The following SASH1 variants were observed in gnomAD, a reference collection of about 807,000 sequenced individuals.
SASH1 encodes the protein SAM and SH3 domain containing 1.
In SASH1, 44 loss-of-function variants were observed where a neutral mutation model predicts 125.2. That is an observed-to-expected ratio of 0.35 (90% CI 0.28 to 0.45). The LOEUF is 0.45. Among genes scored for constraint, SASH1 ranks in the 20% least tolerant of loss-of-function variants. The pLI is 1.00. For synonymous variants in SASH1, 639 were observed against 649.1 expected (o/e 0.98, Z 0.24); for missense variants, 1,426 against 1,614.5 (o/e 0.88, Z 2.00).
the SASH1 span, among the ~76,000 whole-genome samples, chr6:148,212,584 AATACGTGT>A: frequency 6.6e-6 from 1 of 152,208 alleles, no homozygotes; most frequent in Non-Finnish European, 1.5e-5. Context: ...TTGCTACAGA[AATACGTGT>A]ATATCTGATT....
chr6:148,315,655 G>T (rs1780462722), intron 1 of SASH1, among the ~76,000 whole-genome samples: 1 of 152,164 alleles, frequency 6.6e-6, no homozygotes, highest in Non-Finnish European at 1.5e-5. Context: ...TGTAATCTCA[G>T]TACTTTGGGA....
chr6:148,398,063 T>C (rs1467180601), intron 2 of SASH1, among the ~76,000 whole-genome samples: 1 of 151,996 alleles, frequency 6.6e-6, no homozygotes, highest in East Asian at 1.9e-4. Context: ...GGGGAGTAAC[T>C]TCAGGGAGAC....
chr6:148,318,723 T>C (rs1747982736), intron 1 of SASH1, among the ~76,000 whole-genome samples: 1 of 151,878 alleles, frequency 6.6e-6, no homozygotes, highest in Non-Finnish European at 1.5e-5. Flanking sequence ...CAGCTAATTT[T>C]TATACTTTTA....
intron 1 of SASH1, among the ~76,000 whole-genome samples, chr6:148,322,934 T>TTTCTCTCTTTTCTTTTCCTTCCTTC (rs1554234566): frequency 0.053 from 6,707 of 127,254 alleles, 475 homozygotes; most frequent in African/African-American, 0.063. Flanking sequence ...TCTCTCTTTC[T>TTTCTCTCTTTTCTTTTCCTTCCTTC]TTTCCTTCCT....
At chr6:148,504,930 G>A (rs1315504123) in intron 8 of SASH1, among the ~76,000 whole-genome samples, 1 of 152,162 alleles carries the variant, frequency 6.6e-6, no homozygotes, top group Non-Finnish European at 1.5e-5. Flanking sequence ...CACTCTCCAA[G>A]TCCTGTGCTG....
the SASH1 span, among the ~76,000 whole-genome samples, chr6:148,194,252 T>G: frequency 1.3e-5 from 2 of 152,216 alleles, no homozygotes; most frequent in African/African-American, 4.8e-5. Context: ...CATTTTATAG[T>G]GGAGTAAACT....
chr6:148,390,097 G>T (rs1399360442), intron 1 of SASH1, 37 bp from the exon 2 acceptor site: 1 of 1,609,884 alleles, frequency 6.2e-7, no homozygotes, highest in Non-Finnish European at 8.5e-7. Context: ...TTCCAGGGTG[G>T]ACTGACCTGA....
At chr6:148,334,973 C>CAAAA (rs71004288) in intron 1 of SASH1, among the ~76,000 whole-genome samples, 4 of 115,240 alleles carry the variant, frequency 3.5e-5, no homozygotes, top group Admixed American at 8.9e-5. Flanking sequence ...GACTCCATCT[C>CAAAA]AAAAAAAAAA....
At chr6:148,453,141 G>A (rs11754072) in intron 4 of SASH1, among the ~76,000 whole-genome samples, 1,806 of 152,298 alleles carry the variant, frequency 0.012, 26 homozygotes, top group Middle Eastern at 0.024. Flanking sequence ...CAGCCGACCC[G>A]GACACAGCTT....
intron 5 of SASH1, chr6:148,469,148 T>C (rs1378877708): frequency 6.6e-6 from 1 of 152,364 alleles, no homozygotes; most frequent in Non-Finnish European, 1.5e-5. Context: ...TGATAGTGAT[T>C]AGGAACATTA....
chr6:148,505,786 T>TCCCC (rs1779767928), intron 8 of SASH1, among the ~76,000 whole-genome samples: 1 of 151,958 alleles, frequency 6.6e-6, no homozygotes, highest in Non-Finnish European at 1.5e-5. Flanking sequence ...TACAGGCATG[T>TCCCC]GCCACCACAC....
At chr6:148,469,433 G>A (rs1024216578) in intron 5 of SASH1, among the ~76,000 whole-genome samples, 1 of 152,172 alleles carries the variant, frequency 6.6e-6, no homozygotes, top group Admixed American at 6.5e-5. Context: ...ATAGCTTATA[G>A]TCAAAGAAAT....
At chr6:148,505,763 GGGTA>G (rs1779765838) in intron 8 of SASH1, among the ~76,000 whole-genome samples, 1 of 151,842 alleles carries the variant, frequency 6.6e-6, no homozygotes, top group South Asian at 2.1e-4. Context: ...TCAGCCCCCT[GGGTA>G]GCTGGGATTA....
At chr6:148,383,758 G>GT (rs775218001) in intron 1 of SASH1, among the ~76,000 whole-genome samples, 7 of 152,100 alleles carry the variant, frequency 4.6e-5, no homozygotes, top group Admixed American at 6.6e-5. Flanking sequence ...GTAGTTTTAG[G>GT]TTTTCCATTT....
At chr6:148,333,099 C>T (rs984367404) in intron 1 of SASH1, among the ~76,000 whole-genome samples, 1 of 152,146 alleles carries the variant, frequency 6.6e-6, no homozygotes, top group South Asian at 2.1e-4. Flanking sequence ...CTTACTCTGA[C>T]ATACCTATAG....
chr6:148,217,331 T>C, the SASH1 span, among the ~76,000 whole-genome samples: 25 of 152,330 alleles, frequency 1.6e-4, no homozygotes, highest in Non-Finnish European at 1.6e-4. Context: ...GTAAGGACTT[T>C]AAAAATCTTG....
At chr6:148,528,253 A>AT (rs1781308970) in intron 12 of SASH1, among the ~76,000 whole-genome samples, 1 of 152,148 alleles carries the variant, frequency 6.6e-6, no homozygotes. Flanking sequence ...GGGAGTAAAG[A>AT]TAGTTGGAGA....
intron 10 of SASH1, 174 bp downstream of exon 10, chr6:148,520,067 C>T: frequency 1.7e-6 from 1 of 595,190 alleles, no homozygotes; most frequent in South Asian, 2.1e-5. Flanking sequence ...AAGGCGTCAC[C>T]AGCACCACCT....
intron 1 of SASH1, among the ~76,000 whole-genome samples, chr6:148,365,990 G>A (rs1181151214): frequency 6.6e-6 from 1 of 152,042 alleles, no homozygotes; most frequent in East Asian, 1.9e-4. Flanking sequence ...GCGTGCGCCT[G>A]TAATCCCAGC....
Sources: allele counts gnomAD v4.1 joint callset (sites outside exome capture counted in the v4.1 genomes callset), GRCh38; gene constraint gnomAD v4.1.1; transcripts MANE v1.5; gene names NCBI Gene and HGNC (gene_info 2026-07-23, HGNC 2026-07-21).